Variants in BRINP3 observed in about 807,000 individuals in gnomAD.
BRINP3 encodes BMP/retinoic acid inducible neural specific 3.
A neutral mutation model predicts 71.0 loss-of-function variants in BRINP3; 19 were observed. The ratio of observed to expected loss-of-function variants is 0.27; its 90% CI spans 0.19 to 0.39. The LOEUF is 0.39. BRINP3 is among the 10% of genes least tolerant of loss of function. The pLI, the probability that BRINP3 is intolerant of heterozygous loss-of-function variation, is 1.00. For synonymous variants in BRINP3, 380 were observed against 337.7 expected (o/e 1.13, Z -1.37); for missense variants, 959 against 940.8 (o/e 1.02, Z -0.25).
intron 4 of BRINP3, among the ~76,000 whole-genome samples, chr1:190,254,540 G>T (rs1302239878): frequency 6.6e-6 from 1 of 152,052 alleles, no homozygotes; most frequent in African/African-American, 2.4e-5. Context: ...TAGCAATTGT[G>T]AATAGGAGTT....
chr1:190,109,087 T>A (rs1293929498), intron 7 of BRINP3, among the ~76,000 whole-genome samples: 10 of 152,156 alleles, frequency 6.6e-5, no homozygotes, highest in African/African-American at 2.4e-4. Context: ...CAGATATTAT[T>A]GTTTTCTTTT....
intron 2 of BRINP3, among the ~76,000 whole-genome samples, chr1:190,449,726 G>A (rs577567819): frequency 2.0e-5 from 3 of 152,254 alleles, no homozygotes; most frequent in African/African-American, 7.2e-5. Context: ...GCACTGATAT[G>A]TAGTGGTTTG....
At chr1:190,437,848 A>C (rs1254211547) in intron 2 of BRINP3, among the ~76,000 whole-genome samples, 1 of 151,848 alleles carries the variant, frequency 6.6e-6, no homozygotes, top group African/African-American at 2.4e-5. Context: ...TGTAAAATAT[A>C]ACATATATTG....
chr1:190,383,335 A>G (rs569850303), intron 2 of BRINP3, among the ~76,000 whole-genome samples: 2 of 152,196 alleles, frequency 1.3e-5, no homozygotes, highest in Admixed American at 1.3e-4. Context: ...GGTAATTATG[A>G]GCACATACAG....
chr1:190,388,384 T>C (rs1410353641), intron 2 of BRINP3, among the ~76,000 whole-genome samples: 2 of 151,622 alleles, frequency 1.3e-5, no homozygotes, highest in Non-Finnish European at 1.5e-5. Context: ...AATATGAAAA[T>C]AGAGTATTTA....
intron 2 of BRINP3, among the ~76,000 whole-genome samples, chr1:190,303,147 AC>A (rs1404795342): frequency 6.6e-6 from 1 of 151,728 alleles, no homozygotes; most frequent in African/African-American, 2.4e-5. Flanking sequence ...ATGGAAATCA[AC>A]TTTTTAAAAA....
At chr1:190,195,055 T>A (rs1368004099) in intron 6 of BRINP3, among the ~76,000 whole-genome samples, 1 of 152,042 alleles carries the variant, frequency 6.6e-6, no homozygotes, top group African/African-American at 2.4e-5. Context: ...TATAAGCATT[T>A]AAGGGTTAGT....
intron 7 of BRINP3, among the ~76,000 whole-genome samples, chr1:190,129,297 C>T (rs1654341210): frequency 6.6e-6 from 1 of 151,702 alleles, no homozygotes; most frequent in African/African-American, 2.4e-5. Flanking sequence ...TCAGCTCAGA[C>T]AGTAATTTTA....
chr1:190,301,210 T>C (rs12405982), intron 2 of BRINP3, among the ~76,000 whole-genome samples: 53 of 107,780 alleles, frequency 4.9e-4, no homozygotes, highest in Admixed American at 1.4e-3. Context: ...CATACATATA[T>C]ATATATATAT....
At chr1:190,328,289 G>A (rs1392391462) in intron 2 of BRINP3, among the ~76,000 whole-genome samples, 1 of 152,006 alleles carries the variant, frequency 6.6e-6, no homozygotes. Context: ...GAAAGGATAA[G>A]CAACATAAAC....
chr1:190,348,467 T>C (rs1213164966), intron 2 of BRINP3, among the ~76,000 whole-genome samples: 1 of 152,218 alleles, frequency 6.6e-6, no homozygotes, highest in South Asian at 2.1e-4. Flanking sequence ...ACGAAATAAA[T>C]AAAAGCCTCA....
rs1571850559 is a variant in BRINP3 at position 190,358,181 on chromosome 1, A to G, written c.237-76431T>C. Among the ~76,000 whole-genome samples, 2 of 152,094 alleles carry G rather than the reference A, an allele frequency of 1.3e-5. 1 individual carries two copies. Among genetic ancestry groups the G allele is most frequent in the South Asian group, 4.1e-4 (2 of 4,834 alleles). ...AAATAGGATCTAATTAAACTAAAGAACTTCTGCACAGCAAAAGAAACTACC... is the reference window on the plus strand; with the variant it reads ...AAATAGGATCTAATTAAACTAAAGAGCTTCTGCACAGCAAAAGAAACTACC... On this transcript the variant is annotated intron_variant, in intron 2 of 7. Coordinates refer to ENST00000367462, the MANE Select transcript of BRINP3 (RefSeq NM_199051.3).
chr1:190,316,304 G>A (rs1047173456), intron 2 of BRINP3, among the ~76,000 whole-genome samples: 12 of 152,072 alleles, frequency 7.9e-5, no homozygotes, highest in Non-Finnish European at 1.6e-4. Flanking sequence ...CATTTTAGAG[G>A]TGAGAAATCT....
At chr1:190,188,311 T>C (rs1284970328) in intron 6 of BRINP3, among the ~76,000 whole-genome samples, 2 of 152,150 alleles carry the variant, frequency 1.3e-5, no homozygotes, top group East Asian at 3.9e-4. Flanking sequence ...TGTCTGCAAA[T>C]AGGGACAATT....
At chr1:190,412,395 T>TTATATATATATATATATATATATTATATA (rs10552194) in intron 2 of BRINP3, among the ~76,000 whole-genome samples, 1 of 134,998 alleles carries the variant, frequency 7.4e-6, no homozygotes, top group Non-Finnish European at 1.6e-5. Context: ...TATATATATA[T>TTATATATATATATATATATATATTATATA]TATATATATA....
intron 1 of BRINP3, among the ~76,000 whole-genome samples, chr1:190,455,991 C>T (rs1675958095): frequency 1.3e-5 from 2 of 152,114 alleles, no homozygotes; most frequent in South Asian, 4.1e-4. Flanking sequence ...GCACATAGCA[C>T]TACAGAGTGC....
chr1:190,133,936 C>A (rs1654756104), intron 7 of BRINP3, among the ~76,000 whole-genome samples: 1 of 152,026 alleles, frequency 6.6e-6, no homozygotes, highest in African/African-American at 2.4e-5. Flanking sequence ...TCAAACCAGA[C>A]ACATAAAACA....
intron 2 of BRINP3, among the ~76,000 whole-genome samples, chr1:190,388,978 A>G (rs2102293845): frequency 6.6e-6 from 1 of 151,878 alleles, no homozygotes; most frequent in Non-Finnish European, 1.5e-5. Flanking sequence ...ATAGAGTACT[A>G]GGCACAAGAG....
chr1:190,145,915 A>G (rs143437070), intron 7 of BRINP3, among the ~76,000 whole-genome samples: 3 of 152,318 alleles, frequency 2.0e-5, no homozygotes, highest in African/African-American at 7.2e-5. Context: ...ACTTGGTTGG[A>G]GCTCGAGGCC....
Sources: allele counts gnomAD v4.1 joint callset (sites outside exome capture counted in the v4.1 genomes callset), GRCh38; gene constraint gnomAD v4.1.1; transcripts MANE v1.5; gene names NCBI Gene and HGNC (gene_info 2026-07-23, HGNC 2026-07-21).